IL6R: variants seen among roughly 807,000 people sequenced by gnomAD.
The protein encoded by IL6R is interleukin 6 receptor, also known as interleukin-6 receptor subunit alpha.
A neutral mutation model predicts 48.3 loss-of-function variants in IL6R; 38 were observed. The observed-to-expected ratio is 0.79, with a 90% confidence interval of 0.61 to 1.03. IL6R has a LOEUF of 1.03. Ranked by LOEUF, IL6R falls within the 50% of genes least tolerant of loss-of-function variation. The probability of loss-of-function intolerance (pLI) is 0.00; values close to 1 mark genes in which losing one functional copy is unlikely to be tolerated. For missense variants in IL6R, 534 were observed against 618.3 expected, an observed-to-expected ratio of 0.86 and a Z score of 1.45; for synonymous variants, 264 against 256.2, an observed-to-expected ratio of 1.03 and a Z score of -0.29.
At chr1:154,462,796 T>A (rs539479087) in intron 9 of IL6R, among the ~76,000 whole-genome samples, 15 of 152,284 alleles carry the variant, frequency 9.9e-5, no homozygotes, top group African/African-American at 3.6e-4. Context: ...ATTTTGCTTT[T>A]ATTTAATTAA....
intron 9 of IL6R, among the ~76,000 whole-genome samples, chr1:154,456,837 T>G (rs1690915631): frequency 6.6e-6 from 1 of 151,848 alleles, no homozygotes; most frequent in Non-Finnish European, 1.5e-5. Context: ...CCTGTGGGGA[T>G]CCAAGGTGAA....
intron 9 of IL6R, among the ~76,000 whole-genome samples, chr1:154,456,155 A>G (rs946468273): frequency 6.6e-6 from 1 of 152,038 alleles, no homozygotes; most frequent in Non-Finnish European, 1.5e-5. Flanking sequence ...AAGAGATAAT[A>G]ATAAACTGTT....
chr1:154,427,475 C>T (rs532802604), intron 1 of IL6R, among the ~76,000 whole-genome samples: 1 of 152,316 alleles, frequency 6.6e-6, no homozygotes, highest in South Asian at 2.1e-4. Context: ...AGCTTTCTTA[C>T]CCAAGGTCTG....
chr1:154,430,908 C>G (rs988208527), intron 3 of IL6R, among the ~76,000 whole-genome samples: 7 of 152,158 alleles, frequency 4.6e-5, no homozygotes, highest in Non-Finnish European at 2.9e-5. Context: ...GACTGATTAA[C>G]AGGTTTGGTT....
intron 6 of IL6R, among the ~76,000 whole-genome samples, chr1:154,443,973 C>T (rs886464354): frequency 2.6e-5 from 4 of 151,916 alleles, no homozygotes; most frequent in Non-Finnish European, 1.5e-5. Context: ...GCTTGCACAT[C>T]GCACCAAATG....
chr1:154,415,086 C>T lies in IL6R; in HGVS notation c.85+9372C>T, dbSNP rs780151206. Reference sequence around the variant, plus strand: ...GCAGCCCAGCTCTTCCCTGCACTTGCTAAGATTGGGGCTTTTACGGTTCCA... The same window carrying T: ...GCAGCCCAGCTCTTCCCTGCACTTGTTAAGATTGGGGCTTTTACGGTTCCA... On this transcript the variant is annotated intron_variant, in intron 1 of 9. Transcript: ENST00000368485. The T allele has an allele frequency of 5.3e-6, 7 of 1,316,062 alleles. No homozygotes were observed. The Admixed American group carries it at 1.4e-4, about 26-fold the overall frequency. 81.5% of individuals were successfully genotyped at this position (1,316,062 alleles called of 1,614,324 possible). A position where few individuals can be genotyped will look rare whatever the true frequency, so the allele number is the denominator to read the frequency against.
intron 1 of IL6R, among the ~76,000 whole-genome samples, chr1:154,407,543 C>G (rs532367046): frequency 6.6e-6 from 1 of 152,154 alleles, no homozygotes; most frequent in Non-Finnish European, 1.5e-5. Flanking sequence ...TCTCCCACAC[C>G]CACACAGACT....
chr1:154,405,529 G>GTCCCCCC lies in IL6R; in HGVS notation c.-101_-100insTCCCCCC. ...CTGCCCCCGGGGCCTGAGCCCGCCT[G>GTCCCCCC]CCCGCCCACCGCCCCGCCCCGCCCC... On this transcript the variant is annotated 5_prime_UTR_variant, in exon 1 of 10. Transcript: ENST00000368485. The surrounding 1 kb of genome is among the most constrained non-coding windows in gnomAD (Gnocchi z 5.2). 7 of 388,508 alleles carry GTCCCCCC rather than the reference G, an allele frequency of 1.8e-5. No homozygotes were observed. Among genetic ancestry groups the GTCCCCCC allele is most frequent in the South Asian group, 7.3e-5 (3 of 40,874 alleles). 24.1% of individuals were successfully genotyped at this position (388,508 alleles called of 1,614,324 possible). A position where few individuals can be genotyped will look rare whatever the true frequency, so the allele number is the denominator to read the frequency against.
At chr1:154,460,500 A>G (rs1691189434) in intron 9 of IL6R, among the ~76,000 whole-genome samples, 1 of 152,192 alleles carries the variant, frequency 6.6e-6, no homozygotes, top group Non-Finnish European at 1.5e-5. Context: ...ATACATACAC[A>G]CATACATATG....
chr1:154,429,365 G>A lies in IL6R; in HGVS notation c.255G>A (p.Ser85=), dbSNP rs750053703. The part of the protein sequence containing the change: ...AGMGRRLLLR[S]VQLHDSGNYS... ...TGGGAAGGAGGCTGCTGCTGAGGTC[G>A]GTGCAGCTCCACGACTCTGGAAACT... The change falls in exon 2 of 10, where the codon TCG becomes TCA. Residue 85 remains serine (S), a synonymous_variant. Transcript: ENST00000368485. 23 of 1,613,960 alleles carry A rather than the reference G, an allele frequency of 1.4e-5. 1 individual carries two copies. The highest frequency in any genetic ancestry group is 1.3e-4 in the South Asian group (12 of 91,084).
At chr1:154,430,716 C>T (rs1689250384) in intron 3 of IL6R, 110 bp downstream of exon 3, 3 of 1,414,924 alleles carry the variant, frequency 2.1e-6, no homozygotes, top group Non-Finnish European at 2.9e-6. Flanking sequence ...GAATTAATTC[C>T]TTCAGGCTGA....
chr1:154,465,359 A>T lies in IL6R; in HGVS notation c.1386A>T (p.Thr462=). Residue 462 remains threonine (T), a synonymous_variant, in exon 10 of 10, where the codon ACA becomes ACT. Transcript: ENST00000368485. The stretch of plus-strand genomic sequence containing the variant: ...GGAGCCCTTATGACATCAGCAATAC[A>T]GACTACTTCTTCCCCAGATAGCTGG... ...DPRSPYDISN[T]DYFFPR The T allele has an allele frequency of 6.2e-7, 1 of 1,614,188 alleles. No individual in the cohort carries two copies. Among genetic ancestry groups the T allele is most frequent in the Non-Finnish European group, 8.5e-7 (1 of 1,180,016 alleles).
chr1:154,442,915 C>T (rs1690019844), intron 6 of IL6R, among the ~76,000 whole-genome samples: 2 of 151,914 alleles, frequency 1.3e-5, no homozygotes, highest in Non-Finnish European at 2.9e-5. Context: ...TATAGGCATG[C>T]ATCACGATGC....
chr1:154,445,450 T>A (rs912652528), intron 6 of IL6R, among the ~76,000 whole-genome samples: 2 of 152,048 alleles, frequency 1.3e-5, no homozygotes, highest in African/African-American at 4.8e-5. Flanking sequence ...ATGGGGAGCC[T>A]TTAAAAAACC....
chr1:154,416,653 G>C (rs1688372222), intron 1 of IL6R, among the ~76,000 whole-genome samples: 1 of 152,080 alleles, frequency 6.6e-6, no homozygotes, highest in South Asian at 2.1e-4. Context: ...AGCTGGACCA[G>C]TGTGTGCGTG....
Position 154,435,081 on chromosome 1 carries a change from G to A in IL6R, c.732G>A (p.Trp244Ter), listed in dbSNP as rs1689534804. Reference protein sequence around the residue: ...LSVTWQDPHSWNSSFYRLRFE... With the variant: ...LSVTWQDPHS ...TCACCTGGCAAGACCCCCACTCCTG[G>A]AACTCATCTTTCTACAGACTACGGT... Residue 244 changes from tryptophan to a stop codon, truncating the protein, a stop_gained, in exon 5 of 10, where the codon TGG becomes TGA. Coordinates refer to ENST00000368485, the MANE Select transcript of IL6R (RefSeq NM_000565.4). LOFTEE classifies it high-confidence loss of function. The A allele has an allele frequency of 1.2e-6, 2 of 1,614,026 alleles. No homozygotes were observed. Among genetic ancestry groups the A allele is most frequent in the African/African-American group, 1.3e-5 (1 of 74,910 alleles).
intron 3 of IL6R, 25 bp downstream of exon 3, chr1:154,430,631 T>G: frequency 6.2e-7 from 1 of 1,613,986 alleles, no homozygotes; most frequent in South Asian, 1.1e-5. Flanking sequence ...CTGAGCTATG[T>G]GCATGTTGGC....
chr1:154,441,289 G>A (rs1689918152), intron 6 of IL6R, among the ~76,000 whole-genome samples: 1 of 152,138 alleles, frequency 6.6e-6, no homozygotes. Flanking sequence ...TGGTGTGGTG[G>A]GGGCTGTCTG....
At chr1:154,413,177 T>C (rs1348426080) in intron 1 of IL6R, among the ~76,000 whole-genome samples, 5 of 152,128 alleles carry the variant, frequency 3.3e-5, no homozygotes, top group Admixed American at 3.3e-4. Context: ...AATTTTTGTA[T>C]TTTTAGTAGA....
Sources: allele counts gnomAD v4.1 joint callset (sites outside exome capture counted in the v4.1 genomes callset), GRCh38; gene constraint gnomAD v4.1.1; non-coding constraint Gnocchi (gnomAD v3.1); transcripts MANE v1.5; gene names NCBI Gene and HGNC (gene_info 2026-07-23, HGNC 2026-07-21).